The following RIT2 variants were observed in gnomAD, a reference collection of about 807,000 sequenced individuals.
RIT2 encodes the protein GTP-binding protein Rit2.
RIT2 carries 24 observed loss-of-function variants against 23.7 expected under a neutral mutation model. That is an observed-to-expected ratio of 1.01 (90% confidence interval 0.73 to 1.43). The LOEUF (loss-of-function observed/expected upper bound fraction) is 1.43, where lower values mean the gene tolerates loss of function less well. Among genes scored for constraint, RIT2 ranks in the 40% most tolerant of loss-of-function variants. The pLI is 0.00. For synonymous variants in RIT2, 107 were observed against 91.1 expected (o/e 1.17, Z -0.99); for missense variants, 236 against 266.9 (o/e 0.88, Z 0.81).
intron 3 of RIT2, among the ~76,000 whole-genome samples, chr18:42,970,939 T>TG (rs1228087752): frequency 1.3e-5 from 2 of 151,930 alleles, no homozygotes; most frequent in Non-Finnish European, 2.9e-5. Context: ...AAGCTTGCAA[T>TG]GGGCAAGGGA....
At chr18:42,765,126 G>C (rs893791236) in intron 4 of RIT2, among the ~76,000 whole-genome samples, 1 of 152,170 alleles carries the variant, frequency 6.6e-6, no homozygotes, top group Admixed American at 6.5e-5. Context: ...TTTGCAAATT[G>C]GTAGGGTGAA....
chr18:43,001,986 T>C (rs1911118161), intron 2 of RIT2, among the ~76,000 whole-genome samples: 1 of 151,858 alleles, frequency 6.6e-6, no homozygotes, highest in African/African-American at 2.4e-5. Context: ...TTGTATATAT[T>C]AAAGGGAGTT....
At chr18:42,969,864 AG>A (rs1212530241) in intron 3 of RIT2, among the ~76,000 whole-genome samples, 1 of 152,060 alleles carries the variant, frequency 6.6e-6, no homozygotes, top group Non-Finnish European at 1.5e-5. Flanking sequence ...AAGATAACCC[AG>A]TATCAAAATT....
intron 4 of RIT2, among the ~76,000 whole-genome samples, chr18:42,761,159 T>C (rs1162591880): frequency 6.6e-6 from 1 of 152,256 alleles, no homozygotes; most frequent in Non-Finnish European, 1.5e-5. Context: ...ATGTTTCTTC[T>C]GCATATTCCT....
intron 4 of RIT2, among the ~76,000 whole-genome samples, chr18:42,794,935 T>C (rs1047427747): frequency 1.3e-5 from 2 of 152,248 alleles, no homozygotes. Flanking sequence ...ATGACATTTC[T>C]TTTCCATGAA....
chr18:42,846,193 T>C (rs1906904582), intron 4 of RIT2, among the ~76,000 whole-genome samples: 1 of 151,904 alleles, frequency 6.6e-6, no homozygotes, highest in Non-Finnish European at 1.5e-5. Context: ...AAAGTGGGTG[T>C]TAAGTAACTT....
intron 3 of RIT2, among the ~76,000 whole-genome samples, chr18:42,972,584 AATCATTACATGT>A (rs1910387275): frequency 6.6e-6 from 1 of 151,872 alleles, no homozygotes. Flanking sequence ...ATAGAACATG[AATCATTACATGT>A]ATAGTTAAAA....
At chr18:43,024,705 AC>A (rs2144269838) in intron 2 of RIT2, among the ~76,000 whole-genome samples, 1 of 136,006 alleles carries the variant, frequency 7.4e-6, no homozygotes, top group South Asian at 2.3e-4. Flanking sequence ...TGGAACTCAA[AC>A]AAACAACAAC....
intron 1 of RIT2, among the ~76,000 whole-genome samples, chr18:43,072,349 T>C (rs1196277860): frequency 6.6e-6 from 1 of 152,172 alleles, no homozygotes; most frequent in African/African-American, 2.4e-5. Context: ...GGGATCTCTC[T>C]TCTAAGTCTT....
At chr18:43,090,280 T>G (rs1818994370) in intron 1 of RIT2, among the ~76,000 whole-genome samples, 1 of 152,118 alleles carries the variant, frequency 6.6e-6, no homozygotes, top group Admixed American at 6.6e-5. Context: ...AAGCTCAACA[T>G]CACTGATCAT....
chr18:42,791,466 T>C (rs1213858004), intron 4 of RIT2, among the ~76,000 whole-genome samples: 7 of 152,240 alleles, frequency 4.6e-5, no homozygotes, highest in Non-Finnish European at 1.0e-4. Context: ...AATAAAACTT[T>C]TGCAAGTACC....
At chr18:42,783,690 G>A (rs2143936028) in intron 4 of RIT2, among the ~76,000 whole-genome samples, 1 of 152,096 alleles carries the variant, frequency 6.6e-6, no homozygotes, top group South Asian at 2.1e-4. Context: ...GGAGTGAGTT[G>A]GGAGAGAGAA....
intron 1 of RIT2, among the ~76,000 whole-genome samples, chr18:43,067,663 A>T (rs1912801719): frequency 6.6e-6 from 1 of 152,186 alleles, no homozygotes; most frequent in Admixed American, 6.6e-5. Context: ...AAGTTTTATC[A>T]TGCAAATGAA....
chr18:43,077,937 C>A (rs1289922591), intron 1 of RIT2, among the ~76,000 whole-genome samples: 1 of 152,152 alleles, frequency 6.6e-6, no homozygotes, highest in Non-Finnish European at 1.5e-5. Context: ...GACTTCTCTT[C>A]CGCTAATTCA....
Position 42,895,257 on chromosome 18 carries a change from T to C in RIT2, c.426+28315A>G, listed in dbSNP as rs76502954. Among the ~76,000 whole-genome samples the C allele has an allele frequency of 9.3e-3, 1,410 of 152,248 alleles. 23 individuals carry two copies. Among genetic ancestry groups the C allele is most frequent in the African/African-American group, 0.032 (1,334 of 41,544 alleles). On this transcript the variant is annotated intron_variant, in intron 4 of 4. Transcript: ENST00000326695. ...TACTCAGAGCCTCAATTATAACCTT[T>C]GCACAGCTTACAATGATTACTAGTC...
At chr18:42,882,831 G>C (rs1907928431) in intron 4 of RIT2, among the ~76,000 whole-genome samples, 1 of 152,146 alleles carries the variant, frequency 6.6e-6, no homozygotes, top group Non-Finnish European at 1.5e-5. Flanking sequence ...TATGGGAATG[G>C]TGCTTTGTAG....
chr18:42,892,238 C>T (rs1391787820), intron 4 of RIT2, among the ~76,000 whole-genome samples: 1 of 152,112 alleles, frequency 6.6e-6, no homozygotes, highest in East Asian at 1.9e-4. Flanking sequence ...TATATATTCT[C>T]CTTTGCACTG....
At chr18:42,802,286 C>T (rs1428654705) in intron 4 of RIT2, among the ~76,000 whole-genome samples, 1 of 152,100 alleles carries the variant, frequency 6.6e-6, no homozygotes, top group African/African-American at 2.4e-5. Flanking sequence ...AATGAGAAAG[C>T]AGTTCATTAG....
intron 1 of RIT2, among the ~76,000 whole-genome samples, chr18:43,077,102 CAAAAA>C (rs34419558): frequency 1.2e-5 from 1 of 80,242 alleles, no homozygotes; most frequent in South Asian, 4.6e-4. Flanking sequence ...GACTCCGTCT[CAAAAA>C]AAAAAAAAAA....
Sources: allele counts gnomAD v4.1 joint callset (sites outside exome capture counted in the v4.1 genomes callset), GRCh38; gene constraint gnomAD v4.1.1; transcripts MANE v1.5; gene names NCBI Gene and HGNC (gene_info 2026-07-23, HGNC 2026-07-21).